The following LIMCH1 variants were observed in gnomAD, a reference collection of about 807,000 sequenced individuals.
The protein encoded by LIMCH1 is LIM and calponin homology domains 1, also known as LIM and calponin homology domains-containing protein 1.
In LIMCH1, 113 loss-of-function variants were observed where a neutral mutation model predicts 176.5. That is an observed-to-expected ratio of 0.64 (90% CI 0.55 to 0.75). The LOEUF (loss-of-function observed/expected upper bound fraction) is 0.75, where lower values mean the gene tolerates loss of function less well. Among genes scored for constraint, LIMCH1 ranks in the 30% least tolerant of loss-of-function variants. The pLI is 0.00. For synonymous variants in LIMCH1, 619 were observed against 645.9 expected (o/e 0.96, Z 0.63); for missense variants, 1,674 against 1,814.9 (o/e 0.92, Z 1.41).
At chr4:41,443,621 C>T (rs987860704) in intron 1 of LIMCH1, among the ~76,000 whole-genome samples, 2 of 152,114 alleles carry the variant, frequency 1.3e-5, no homozygotes, top group Admixed American at 6.6e-5. Flanking sequence ...CTAGGAGAAA[C>T]GAAGATCTGT....
intron 1 of LIMCH1, among the ~76,000 whole-genome samples, chr4:41,478,909 C>T (rs1005603037): frequency 3.2e-4 from 49 of 152,154 alleles, no homozygotes; most frequent in African/African-American, 1.1e-3. Context: ...TGAGGTGGCA[C>T]TGGACAGGTT....
chr4:41,515,957 C>T (rs541279282), intron 2 of LIMCH1, among the ~76,000 whole-genome samples: 5 of 152,132 alleles, frequency 3.3e-5, no homozygotes, highest in Middle Eastern at 3.2e-3. Context: ...GTTTTAGCTG[C>T]GCAAAGGAAA....
chr4:41,666,239 G>T (rs1294719422), intron 20 of LIMCH1, among the ~76,000 whole-genome samples: 1 of 152,176 alleles, frequency 6.6e-6, no homozygotes, highest in African/African-American at 2.4e-5. Flanking sequence ...GTACCATGAA[G>T]AGAATTTGTG....
At chr4:41,369,747 T>A (rs1338919392) in intron 1 of LIMCH1, among the ~76,000 whole-genome samples, 1 of 151,902 alleles carries the variant, frequency 6.6e-6, no homozygotes, top group African/African-American at 2.4e-5. Flanking sequence ...GGCCAAGGAC[T>A]GCGTCTTAGT....
At chr4:41,691,244 C>G (rs1041753180) in intron 30 of LIMCH1, among the ~76,000 whole-genome samples, 23 of 152,096 alleles carry the variant, frequency 1.5e-4, no homozygotes, top group African/African-American at 5.6e-4. Context: ...TCACTCTGTC[C>G]CAGGTCACCT....
intron 1 of LIMCH1, chr4:41,418,684 C>T (rs576081508): frequency 1.3e-5 from 2 of 152,200 alleles, no homozygotes; most frequent in African/African-American, 4.8e-5. Context: ...CTGGCCCAGA[C>T]GTTTGCAGAA....
At chr4:41,582,653 A>G (rs1398280967) in intron 1 of LIMCH1, among the ~76,000 whole-genome samples, 2 of 152,172 alleles carry the variant, frequency 1.3e-5, no homozygotes, top group Non-Finnish European at 2.9e-5. Context: ...CATCTGGAAA[A>G]TGGGGATAAT....
chr4:41,596,488 T>G (rs2088842785), intron 1 of LIMCH1, among the ~76,000 whole-genome samples: 1 of 152,194 alleles, frequency 6.6e-6, no homozygotes, highest in South Asian at 2.1e-4. Flanking sequence ...ACGATTTATT[T>G]CAAGTAACTG....
chr4:41,472,066 A>G (rs1431640873), intron 1 of LIMCH1, among the ~76,000 whole-genome samples: 2 of 152,240 alleles, frequency 1.3e-5, no homozygotes, highest in African/African-American at 4.8e-5. Flanking sequence ...GGGCAAGCAC[A>G]TCTGTAGGTA....
chr4:41,497,896 G>C (rs2072496301), intron 2 of LIMCH1, among the ~76,000 whole-genome samples: 1 of 152,144 alleles, frequency 6.6e-6, no homozygotes, highest in African/African-American at 2.4e-5. Flanking sequence ...TTTAATGGGA[G>C]AGAAAAGAAA....
intron 28 of LIMCH1, 63 bp downstream of exon 28, chr4:41,685,893 G>A (rs1720352430): frequency 6.4e-7 from 1 of 1,558,326 alleles, no homozygotes; most frequent in Non-Finnish European, 8.7e-7. Context: ...AGTTAGAAGG[G>A]AGAAGAATGA....
chr4:41,394,074 T>C (rs1428280437), intron 1 of LIMCH1, among the ~76,000 whole-genome samples: 1 of 152,230 alleles, frequency 6.6e-6, no homozygotes, highest in Non-Finnish European at 1.5e-5. Context: ...GAGTTCTTTG[T>C]CTATGTAAAC....
At chr4:41,447,124 G>T (rs2063363628) in intron 1 of LIMCH1, among the ~76,000 whole-genome samples, 1 of 152,186 alleles carries the variant, frequency 6.6e-6, no homozygotes, top group Non-Finnish European at 1.5e-5. Context: ...TAGTTACTCA[G>T]GAGGCTGACG....
At chr4:41,551,130 T>C (rs1384949707) in intron 1 of LIMCH1, 11 of 152,196 alleles carry the variant, frequency 7.2e-5, no homozygotes, top group African/African-American at 2.2e-4. Context: ...GATAGGAAAT[T>C]GATCCCATTC....
chr4:41,517,712 G>A (rs2075727161), intron 2 of LIMCH1, among the ~76,000 whole-genome samples: 1 of 151,942 alleles, frequency 6.6e-6, no homozygotes, highest in South Asian at 2.1e-4. Flanking sequence ...TCCTGGTTTT[G>A]CCTGGGCAAG....
At chr4:41,677,456 G>A (rs12639731) in intron 23 of LIMCH1, among the ~76,000 whole-genome samples, 13,439 of 152,060 alleles carry the variant, frequency 0.088, 716 homozygotes, top group South Asian at 0.14. Flanking sequence ...TCTACCTTTG[G>A]GTAAAAGCTA....
intron 1 of LIMCH1, among the ~76,000 whole-genome samples, chr4:41,393,122 T>C (rs1169290656): frequency 6.6e-6 from 1 of 152,232 alleles, no homozygotes; most frequent in Non-Finnish European, 1.5e-5. Flanking sequence ...GAAAAGATGT[T>C]TACTTTATGT....
At chr4:41,654,344 G>A (rs1562101836) in intron 18 of LIMCH1, among the ~76,000 whole-genome samples, 1 of 152,098 alleles carries the variant, frequency 6.6e-6, no homozygotes, top group Non-Finnish European at 1.5e-5. Context: ...GTAAACAACC[G>A]ATACTCTATA....
At position 41,680,996 on chromosome 4, in the gene LIMCH1, T is replaced by C. The variant is rs1244975019; in HGVS notation, c.3654T>C (p.Val1218=). The change falls in exon 25 of 32, where the codon GTT becomes GTC. Residue 1218 remains valine (V), a synonymous_variant. Transcript: ENST00000503057. ...IIEDTVVPFT[V]SSSSADQLST... is the part of the protein sequence containing the mutation. The stretch of plus-strand genomic sequence containing the variant: ...AAGACACTGTGGTTCCATTTACTGT[T>C]TCTTCAAGTTCCGCTGACCAGCTGT... The C allele has an allele frequency of 2.5e-6, 4 of 1,612,450 alleles. No homozygotes were observed. The African/African-American group carries it at 5.3e-5, about 22-fold the overall frequency.
Sources: allele counts gnomAD v4.1 joint callset (sites outside exome capture counted in the v4.1 genomes callset), GRCh38; gene constraint gnomAD v4.1.1; transcripts MANE v1.5; gene names NCBI Gene and HGNC (gene_info 2026-07-23, HGNC 2026-07-21).